The following KCNIP4 variants were observed in gnomAD, a reference collection of about 807,000 sequenced individuals.
KCNIP4 encodes Kv channel-interacting protein 4.
Under a neutral mutation model 34.0 loss-of-function variants are expected in KCNIP4, and 12 were observed. The ratio of observed to expected loss-of-function variants is 0.35; its 90% CI spans 0.23 to 0.57. The LOEUF is 0.57. Ranked by LOEUF, KCNIP4 falls within the 20% of genes least tolerant of loss-of-function variation. The probability of loss-of-function intolerance (pLI) is 0.83; values close to 1 mark genes in which losing one functional copy is unlikely to be tolerated. For synonymous variants in KCNIP4, 124 were observed against 102.2 expected, an observed-to-expected ratio of 1.21 and a Z score of -1.29; for missense variants, 238 against 311.7, an observed-to-expected ratio of 0.76 and a Z score of 1.78.
At chr4:21,646,350 A>G (rs4697223) in intron 1 of KCNIP4, among the ~76,000 whole-genome samples, 117,412 of 152,098 alleles carry the variant, frequency 0.77, 45,912 homozygotes, top group East Asian at 0.99. Context: ...GCTTACCTAC[A>G]GAAGTTAAGT....
chr4:21,124,601 T>C (rs2109146550), intron 1 of KCNIP4, among the ~76,000 whole-genome samples: 1 of 152,254 alleles, frequency 6.6e-6, no homozygotes, highest in South Asian at 2.1e-4. Flanking sequence ...CTTCTTTTGC[T>C]CTCCACATTA....
chr4:21,313,992 T>C (rs1713460496), intron 1 of KCNIP4, among the ~76,000 whole-genome samples: 1 of 152,188 alleles, frequency 6.6e-6, no homozygotes, highest in South Asian at 2.1e-4. Flanking sequence ...TAAATCAAGA[T>C]GTAGGCTCGG....
chr4:21,554,857 C>G (rs1279504757), intron 1 of KCNIP4, among the ~76,000 whole-genome samples: 1 of 152,104 alleles, frequency 6.6e-6, no homozygotes, highest in African/African-American at 2.4e-5. Flanking sequence ...CTTCATATTA[C>G]CAGAAACTAG....
chr4:20,902,366 G>T (rs896377863), intron 1 of KCNIP4, among the ~76,000 whole-genome samples: 1 of 152,078 alleles, frequency 6.6e-6, no homozygotes, highest in African/African-American at 2.4e-5. Context: ...CTAGAAAAAG[G>T]AGCTGATTAC....
chr4:21,007,438 TG>T (rs1255432108), intron 1 of KCNIP4, among the ~76,000 whole-genome samples: 2 of 152,168 alleles, frequency 1.3e-5, no homozygotes, highest in Admixed American at 1.3e-4. Flanking sequence ...ATGGAGTATA[TG>T]GGATATTTAG....
intron 1 of KCNIP4, among the ~76,000 whole-genome samples, chr4:21,400,655 A>C (rs1031133179): frequency 6.6e-6 from 1 of 151,784 alleles, no homozygotes; most frequent in African/African-American, 2.4e-5. Flanking sequence ...ATCAAGTGCA[A>C]ATCTATTAAT....
chr4:21,579,439 T>A (rs1181307079), intron 1 of KCNIP4, among the ~76,000 whole-genome samples: 2 of 152,230 alleles, frequency 1.3e-5, no homozygotes, highest in Non-Finnish European at 2.9e-5. Flanking sequence ...TTGTGCCATG[T>A]TAAAAATTGA....
intron 1 of KCNIP4, among the ~76,000 whole-genome samples, chr4:21,704,486 A>G (rs529263881): frequency 2.0e-5 from 3 of 152,298 alleles, no homozygotes; most frequent in African/African-American, 7.2e-5. Context: ...TATCTAGAGT[A>G]TATAAAGACT....
At chr4:21,564,061 TA>T (rs1739657957) in intron 1 of KCNIP4, among the ~76,000 whole-genome samples, 1 of 152,168 alleles carries the variant, frequency 6.6e-6, no homozygotes, top group Non-Finnish European at 1.5e-5. Context: ...TTATTGCTAT[TA>T]TATCCATTGA....
At chr4:21,626,497 C>G (rs1329747342) in intron 1 of KCNIP4, among the ~76,000 whole-genome samples, 9 of 151,840 alleles carry the variant, frequency 5.9e-5, no homozygotes, top group African/African-American at 9.7e-5. Flanking sequence ...ACCTACCTTG[C>G]TGGCACATTG....
intron 1 of KCNIP4, among the ~76,000 whole-genome samples, chr4:21,072,278 A>G (rs906356636): frequency 4.6e-5 from 7 of 152,102 alleles, no homozygotes; most frequent in African/African-American, 7.2e-5. Context: ...AAGTGTTCCT[A>G]TTTCTCCACA....
chr4:21,512,284 C>T (rs990598843), intron 1 of KCNIP4, among the ~76,000 whole-genome samples: 2 of 152,072 alleles, frequency 1.3e-5, no homozygotes, highest in African/African-American at 4.8e-5. Flanking sequence ...CTTAAAGTGA[C>T]CACATTTTGA....
At chr4:21,796,066 C>T (rs1442659326) in intron 1 of KCNIP4, among the ~76,000 whole-genome samples, 3 of 152,124 alleles carry the variant, frequency 2.0e-5, no homozygotes, top group Non-Finnish European at 2.9e-5. Flanking sequence ...CAGACTCTGT[C>T]TCAATCAATC....
intron 1 of KCNIP4, among the ~76,000 whole-genome samples, chr4:21,648,441 CT>C (rs919178025): frequency 2.0e-5 from 3 of 152,090 alleles, no homozygotes; most frequent in Non-Finnish European, 4.4e-5. Flanking sequence ...GTGTGAGGCT[CT>C]TTATAAACTG....
At chr4:21,380,004 G>T (rs1267744435) in intron 1 of KCNIP4, among the ~76,000 whole-genome samples, 1 of 151,960 alleles carries the variant, frequency 6.6e-6, no homozygotes, top group Non-Finnish European at 1.5e-5. Flanking sequence ...AAGAACAGAG[G>T]AATTTTCTTA....
intron 1 of KCNIP4, among the ~76,000 whole-genome samples, chr4:21,388,743 T>C (rs913907845): frequency 5.3e-5 from 8 of 152,178 alleles, no homozygotes; most frequent in African/African-American, 1.9e-4. Context: ...GTATATTTCA[T>C]TTAATTAAAA....
At chr4:21,201,409 T>C (rs1247512307) in intron 1 of KCNIP4, among the ~76,000 whole-genome samples, 3 of 152,208 alleles carry the variant, frequency 2.0e-5, no homozygotes, top group South Asian at 4.1e-4. Context: ...AATTCAGAAG[T>C]GGTGTTGTAG....
chr4:21,218,513 T>TATGA (rs1757770542), intron 1 of KCNIP4, among the ~76,000 whole-genome samples: 2 of 152,182 alleles, frequency 1.3e-5, no homozygotes, highest in African/African-American at 4.8e-5. Context: ...ATACATTTCA[T>TATGA]ATGAATGAAT....
intron 3 of KCNIP4, among the ~76,000 whole-genome samples, chr4:20,801,513 A>G (rs1173545560): frequency 6.6e-6 from 1 of 152,156 alleles, no homozygotes; most frequent in East Asian, 1.9e-4. Flanking sequence ...GAAATATACA[A>G]TATGAAAAGA....
Sources: allele counts gnomAD v4.1 joint callset (sites outside exome capture counted in the v4.1 genomes callset), GRCh38; gene constraint gnomAD v4.1.1; transcripts MANE v1.5; gene names NCBI Gene and HGNC (gene_info 2026-07-23, HGNC 2026-07-21).